The following DCC variants were observed in gnomAD, a reference collection of about 807,000 sequenced individuals.
DCC encodes DCC netrin 1 receptor.
DCC carries 58 observed loss-of-function variants against 172.5 expected under a neutral mutation model. That is an observed-to-expected ratio of 0.34 (90% CI 0.27 to 0.42). DCC has a LOEUF of 0.42. Among genes scored for constraint, DCC ranks in the 10% least tolerant of loss-of-function variants. The pLI is 1.00. For synonymous variants in DCC, 709 were observed against 644.5 expected (o/e 1.10, Z -1.52); for missense variants, 1,740 against 1,791.0 (o/e 0.97, Z 0.51).
intron 12 of DCC, among the ~76,000 whole-genome samples, chr18:53,286,979 T>C (rs2056942961): frequency 6.6e-6 from 1 of 152,216 alleles, no homozygotes. Flanking sequence ...TCTTTTTTTT[T>C]TGGTGGTGAA....
intron 2 of DCC, among the ~76,000 whole-genome samples, chr18:52,832,809 G>T (rs1377667253): frequency 6.6e-6 from 1 of 152,104 alleles, no homozygotes; most frequent in African/African-American, 2.4e-5. Flanking sequence ...CATATGGTTT[G>T]CCAGTTTGGG....
chr18:53,477,354 A>T (rs1373693750), intron 25 of DCC, among the ~76,000 whole-genome samples: 2 of 152,170 alleles, frequency 1.3e-5, no homozygotes, highest in African/African-American at 4.8e-5. Flanking sequence ...TTTGCATCTG[A>T]GATGATTGAT....
chr18:52,540,597 CTTTTTTTTTTTTTTTTT>C (rs71175505), intron 1 of DCC, among the ~76,000 whole-genome samples: 5 of 67,492 alleles, frequency 7.4e-5, no homozygotes, highest in African/African-American at 3.4e-4. Flanking sequence ...ATTCAACTGC[CTTTTTTTTTTTTTTTTT>C]TTTTTTTTTT....
Position 53,300,966 on chromosome 18 carries a change from T to A in DCC, c.1912-4612T>A, listed in dbSNP as rs919402566. ...TTTGACGTTGGTTCTGGATTCATTC[T>A]TTCTTTCTTTCTTTCTTTCTTTCTT... On this transcript the variant is annotated intron_variant, in intron 12 of 28. Transcript: ENST00000442544. Among the ~76,000 whole-genome samples the A allele has an allele frequency of 4.0e-3, 508 of 127,072 alleles. 9 individuals carry two copies. The highest frequency in any genetic ancestry group is 5.4e-3 in the Non-Finnish European group (330 of 60,774). 83.4% of individuals were successfully genotyped at this position (127,072 alleles called of 152,430 possible).
At chr18:52,904,807 G>A (rs534197850) in intron 2 of DCC, among the ~76,000 whole-genome samples, 61 of 152,196 alleles carry the variant, frequency 4.0e-4, no homozygotes, top group Non-Finnish European at 7.9e-4. Context: ...ATTCTGGAAT[G>A]AGTCAAATGA....
In DCC at chr18:53,501,138, A is replaced by G. The variant is rs987602055; in HGVS notation, c.4111+1628A>G. ...AGTATTCAAGATAGTTGACAGCTTA[A>G]TTGCAACTGCTAACAATAACGAGCC... On this transcript the variant is annotated intron_variant, in intron 27 of 28. Coordinates refer to ENST00000442544, the MANE Select transcript of DCC (RefSeq NM_005215.4). Among the ~76,000 whole-genome samples, 6 of 152,208 alleles carry G rather than the reference A, an allele frequency of 3.9e-5. No homozygotes were observed. In the South Asian group the frequency reaches 6.2e-4, roughly 16 times the overall value.
chr18:52,504,970 A>T (rs1207680687), intron 1 of DCC, among the ~76,000 whole-genome samples: 1 of 152,188 alleles, frequency 6.6e-6, no homozygotes, highest in Non-Finnish European at 1.5e-5. Flanking sequence ...TTCAAAAAAC[A>T]TTTGAAATGA....
At chr18:52,363,320 G>C (rs1248828077) in intron 1 of DCC, among the ~76,000 whole-genome samples, 1 of 152,158 alleles carries the variant, frequency 6.6e-6, no homozygotes, top group Non-Finnish European at 1.5e-5. Flanking sequence ...TCTATTTCTA[G>C]AGCTCTTATA....
intron 5 of DCC, among the ~76,000 whole-genome samples, chr18:53,061,973 A>G (rs965289100): frequency 1.3e-5 from 2 of 152,130 alleles, no homozygotes; most frequent in Non-Finnish European, 2.9e-5. Context: ...ATATTCAACT[A>G]ATACTTCTGC....
intron 5 of DCC, among the ~76,000 whole-genome samples, chr18:52,993,978 C>A (rs1454347856): frequency 6.6e-6 from 1 of 152,148 alleles, no homozygotes; most frequent in Middle Eastern, 3.4e-3. Flanking sequence ...CACCATGAGA[C>A]CTTCTTATAG....
At chr18:52,965,390 T>A (rs2040912910) in intron 5 of DCC, among the ~76,000 whole-genome samples, 1 of 152,042 alleles carries the variant, frequency 6.6e-6, no homozygotes, top group African/African-American at 2.4e-5. Flanking sequence ...AAAGGAAGAT[T>A]CCTCCTCCTC....
In DCC at chr18:52,417,563, G is replaced by T. The variant is rs1382716921; in HGVS notation, c.91+76685G>T. Among the ~76,000 whole-genome samples the T allele has an allele frequency of 2.0e-5, 3 of 152,126 alleles. No homozygotes were observed. The East Asian group carries it at 5.8e-4, about 29-fold the overall frequency. The stretch of plus-strand genomic sequence containing the variant: ...TAGTCCCATATTTCTTGGAGGCCTT[G>T]TTTGTTTCTTTTTATTCTTTTGTCT... On this transcript the variant is annotated intron_variant, in intron 1 of 28. Transcript: ENST00000442544.
chr18:52,375,010 T>A (rs1352802673), intron 1 of DCC, among the ~76,000 whole-genome samples: 1 of 152,218 alleles, frequency 6.6e-6, no homozygotes, highest in Non-Finnish European at 1.5e-5. Flanking sequence ...TTGCCATCCC[T>A]CGATTTAACA....
chr18:52,378,695 C>T (rs1355827164), intron 1 of DCC, among the ~76,000 whole-genome samples: 2 of 151,904 alleles, frequency 1.3e-5, no homozygotes, highest in Non-Finnish European at 2.9e-5. Context: ...TACAGGTGCA[C>T]ACCACCATGC....
At chr18:53,339,164 C>T (rs2057625330) in intron 14 of DCC, among the ~76,000 whole-genome samples, 1 of 152,176 alleles carries the variant, frequency 6.6e-6, no homozygotes, top group Admixed American at 6.5e-5. Context: ...TGTCTTCTTT[C>T]TTTTAATAAT....
chr18:52,504,922 TTAATACCTAC>T (rs1178622023), intron 1 of DCC, among the ~76,000 whole-genome samples: 1 of 152,148 alleles, frequency 6.6e-6, no homozygotes, highest in Non-Finnish European at 1.5e-5. Flanking sequence ...GAGCACCCTA[TTAATACCTAC>T]TGAATCTCTC....
At chr18:53,450,788 C>A in intron 23 of DCC, 126 bp downstream of exon 23, 1 of 828,912 alleles carries the variant, frequency 1.2e-6, no homozygotes, top group East Asian at 2.6e-5. Flanking sequence ...CTGGCAAAAC[C>A]TTGCGTTTTG....
At chr18:52,474,583 G>A (rs373104684) in intron 1 of DCC, among the ~76,000 whole-genome samples, 4 of 152,186 alleles carry the variant, frequency 2.6e-5, no homozygotes, top group African/African-American at 9.7e-5. Context: ...AACTCACTGA[G>A]GTTGTGACTT....
chr18:53,193,444 T>C (rs2055395798), intron 9 of DCC, among the ~76,000 whole-genome samples: 1 of 152,146 alleles, frequency 6.6e-6, no homozygotes. Context: ...ATATTATTTA[T>C]TATTAATCTT....
Sources: gnomAD v4.1 joint callset for allele counts (sites outside exome capture counted in the v4.1 genomes callset) on GRCh38, gnomAD v4.1.1 for gene constraint, MANE v1.5 for transcripts, NCBI Gene and HGNC (gene_info 2026-07-23, HGNC 2026-07-21) for gene names.